VPS13A: variants seen among roughly 807,000 people sequenced by gnomAD.
VPS13A encodes the protein intermembrane lipid transfer protein VPS13A.
In VPS13A, 264 loss-of-function variants were observed where a neutral mutation model predicts 390.9. The ratio of observed to expected loss-of-function variants is 0.68; its 90% confidence interval spans 0.61 to 0.75. VPS13A has a LOEUF of 0.75. VPS13A is among the 30% of genes least tolerant of loss of function. The probability of loss-of-function intolerance (pLI) is 0.00; values close to 1 mark genes in which losing one functional copy is unlikely to be tolerated. For synonymous variants in VPS13A, 1,231 were observed against 1,227.1 expected, an observed-to-expected ratio of 1.00 and a Z score of -0.07; for missense variants, 3,409 against 3,733.9, an observed-to-expected ratio of 0.91 and a Z score of 2.27.
chr9:77,290,471 T>G (rs1169339760), intron 31 of VPS13A, among the ~76,000 whole-genome samples: 1 of 152,172 alleles, frequency 6.6e-6, no homozygotes, highest in African/African-American at 2.4e-5. Context: ...TCAAATAGTT[T>G]CTTTGCCTCT....
At chr9:77,279,881 T>C (rs953701469) in intron 26 of VPS13A, 2 of 230,982 alleles carry the variant, frequency 8.7e-6, no homozygotes, top group African/African-American at 2.3e-5. Flanking sequence ...TCTCTTTAGT[T>C]GATTCCTGTT....
intron 39 of VPS13A, 30 bp downstream of exon 39, chr9:77,316,436 T>C (rs779882624): frequency 8.8e-6 from 14 of 1,586,814 alleles, no homozygotes; most frequent in East Asian, 6.7e-5. Context: ...ATCTGCTTAA[T>C]TGTAACTATT....
Position 77,228,180 on chromosome 9 carries a change from A to G in VPS13A, c.1511A>G (p.Asn504Ser). 6.2e-7 allele frequency: 1 copy of G among 1,603,680 alleles called. No homozygotes were observed. The highest frequency in any genetic ancestry group is 8.5e-7 in the Non-Finnish European group (1 of 1,174,646). ...LKSMSIVLRE[N>S]HQKPELVDIV... ...AGTATGTCTATTGTTCTAAGAGAAAATCATCAAAAACCTGAGCTGGTAGAT... is the reference window on the plus strand; with the variant it reads ...AGTATGTCTATTGTTCTAAGAGAAAGTCATCAAAAACCTGAGCTGGTAGAT... Residue 504 changes from asparagine (N) to serine (S), a missense_variant, in exon 17 of 72, where the codon AAT (asparagine) becomes AGT (serine). This residue lies in a region of VPS13A where 2,717 missense variants were observed against 2,917.4 expected (regional missense o/e 0.93). Transcript: ENST00000360280.
intron 68 of VPS13A, among the ~76,000 whole-genome samples, chr9:77,401,689 AAC>A (rs1834403247): frequency 6.6e-6 from 1 of 152,108 alleles, no homozygotes; most frequent in African/African-American, 2.4e-5. Context: ...TATTTCTTAA[AAC>A]AGTTCTTTTC....
In VPS13A at chr9:77,334,329, CTT is replaced by C. The variant is rs1276495047; in HGVS notation, c.6095+2217_6095+2218del. ...TATTAGTTTGATCTGTTTTTTTCTT[CTT>C]GTCTCAGATAATTTGATGTTCTGTT... On this transcript the variant is annotated intron_variant, in intron 46 of 71. Transcript: ENST00000360280. Among the ~76,000 whole-genome samples the C allele has an allele frequency of 3.9e-5, 6 of 152,044 alleles. No individual in the cohort carries two copies. In the East Asian group the frequency reaches 1.2e-3, roughly 29 times the overall value.
At chr9:77,310,546 C>T (rs894836763) in intron 35 of VPS13A, among the ~76,000 whole-genome samples, 1 of 152,136 alleles carries the variant, frequency 6.6e-6, no homozygotes, top group Non-Finnish European at 1.5e-5. Flanking sequence ...GAGAAGAGAA[C>T]CTCTTATTTT....
At position 77,356,736 on chromosome 9, in the gene VPS13A, A is replaced by C. The variant is rs573410529; in HGVS notation, c.7675A>C (p.Lys2559Gln). The C allele has an allele frequency of 2.5e-6, 4 of 1,612,922 alleles. No homozygotes were observed. Among genetic ancestry groups the C allele is most frequent in the African/African-American group, 2.7e-5 (2 of 74,910 alleles). ...ITSSDVVWET[K>Q]PKKKARWKPM... is the part of the protein sequence containing the mutation. ...AAGTTCTGATGTGGTTTGGGAAACA[A>C]AGCCCAAGAAGAAGGCAAGATGGAA... The change falls in exon 55 of 72, where the codon AAG becomes CAG. Residue 2559 changes from lysine (K) to glutamine (Q), a missense_variant. By Grantham distance (53) the Lys-to-Gln change is moderately conservative. Coordinates refer to ENST00000360280, the MANE Select transcript of VPS13A (RefSeq NM_033305.3).
chr9:77,271,908 A>C (rs1826373756), intron 23 of VPS13A, among the ~76,000 whole-genome samples: 1 of 152,190 alleles, frequency 6.6e-6, no homozygotes, highest in Admixed American at 6.5e-5. Context: ...TAATGATTGC[A>C]AGGAGCTTAA....
chr9:77,324,855 C>T (rs982315565), intron 45 of VPS13A, among the ~76,000 whole-genome samples: 2 of 151,852 alleles, frequency 1.3e-5, no homozygotes, highest in South Asian at 2.1e-4. Flanking sequence ...CATCTTGCTC[C>T]GCCTCTCATT....
In VPS13A at chr9:77,371,099, A is replaced by G. The variant is rs17081163; in HGVS notation, c.9027A>G (p.Pro3009=). The change falls in exon 67 of 72, where the codon CCA becomes CCG. Residue 3009 remains proline (P), a synonymous_variant. Transcript: ENST00000360280. ...GKGLVGAVAR[P]TGGIIDMASS... ...GTTTAGTAGGAGCGGTAGCAAGGCC[A>G]ACTGGAGGCATCATAGACATGGCTA... 0.013 allele frequency: 20,276 copies of G among 1,614,108 alleles called. 169 individuals carry two copies. Among genetic ancestry groups the G allele is most frequent in the African/African-American group, 0.023 (1,750 of 75,032 alleles).
chr9:77,186,496 G>A (rs1824345042), intron 1 of VPS13A, among the ~76,000 whole-genome samples: 1 of 151,964 alleles, frequency 6.6e-6, no homozygotes, highest in African/African-American at 2.4e-5. Flanking sequence ...GGAGTGCAGT[G>A]GCGCAGTCTC....
chr9:77,221,517 A>G (rs1245439464), intron 13 of VPS13A, among the ~76,000 whole-genome samples, 161 bp downstream of exon 13: 1 of 152,152 alleles, frequency 6.6e-6, no homozygotes, highest in Non-Finnish European at 1.5e-5. Flanking sequence ...CAGCTGAATA[A>G]TACAAGATTT....
chr9:77,207,253 A>ATATATATATATG (rs68085065), intron 5 of VPS13A, among the ~76,000 whole-genome samples: 1 of 91,602 alleles, frequency 1.1e-5, no homozygotes. Context: ...ATATATATAT[A>ATATATATATATG]AAACGTGTTA....
chr9:77,178,069 C>T lies in VPS13A; in HGVS notation c.100+265C>T, dbSNP rs540462748. On this transcript the variant is annotated intron_variant, in intron 1 of 71. Coordinates refer to ENST00000360280, the MANE Select transcript of VPS13A (RefSeq NM_033305.3). ...ATATTTTCCGAGCGGAGCGGACTTG[C>T]CGTGGGCTCCGTGGGTCTGGCGTTC... 1.0e-5 allele frequency: 4 copies of T among 394,592 alleles called. No individual in the cohort carries two copies. In the Admixed American group the frequency reaches 1.2e-4, roughly 12 times the overall value. 24.4% of individuals were successfully genotyped at this position (394,592 alleles called of 1,614,324 possible).
chr9:77,193,187 C>G (rs1311622882), intron 1 of VPS13A, among the ~76,000 whole-genome samples: 2 of 152,152 alleles, frequency 1.3e-5, no homozygotes, highest in Non-Finnish European at 2.9e-5. Context: ...TTAGCTCTGT[C>G]AGATCAGTTT....
chr9:77,293,215 T>A (rs1827776067), intron 31 of VPS13A, 126 bp from the exon 32 acceptor site: 1 of 825,288 alleles, frequency 1.2e-6, no homozygotes, highest in Non-Finnish European at 1.9e-6. Context: ...GCCTCATTTG[T>A]ACTTGGCTTG....
intron 52 of VPS13A, among the ~76,000 whole-genome samples, chr9:77,347,863 GT>G (rs35366264): frequency 1.1e-4 from 17 of 148,010 alleles, no homozygotes; most frequent in African/African-American, 2.7e-4. Context: ...ACAAAGTGAA[GT>G]TTTTTTTTTT....
intron 1 of VPS13A, among the ~76,000 whole-genome samples, chr9:77,192,419 T>C (rs1026659143): frequency 6.6e-6 from 1 of 152,194 alleles, no homozygotes; most frequent in Non-Finnish European, 1.5e-5. Context: ...CTTGATTGTA[T>C]AGTTGCTTTA....
At chr9:77,273,925 C>T (rs1398122820) in intron 24 of VPS13A, among the ~76,000 whole-genome samples, 2 of 152,090 alleles carry the variant, frequency 1.3e-5, no homozygotes, top group African/African-American at 4.8e-5. Context: ...TCTGCTGTTT[C>T]TTAAAATAAT....
Sources: gnomAD v4.1 joint callset for allele counts (sites outside exome capture counted in the v4.1 genomes callset) on GRCh38, gnomAD v4.1.1 for gene constraint, gnomAD v4.1.1 regional missense constraint, MANE v1.5 for transcripts, NCBI Gene and HGNC (gene_info 2026-07-23, HGNC 2026-07-21) for gene names.